Variants in CSMD1 observed in about 807,000 individuals in gnomAD.
The protein encoded by CSMD1 is CUB and Sushi multiple domains 1.
CSMD1 carries 213 observed loss-of-function variants against 417.5 expected under a neutral mutation model. The observed-to-expected ratio is 0.51, with a 90% confidence interval of 0.46 to 0.57. The LOEUF (loss-of-function observed/expected upper bound fraction) is 0.57. Ranked by LOEUF, CSMD1 falls within the 20% of genes least tolerant of loss-of-function variation. The pLI is 0.00. For synonymous variants in CSMD1, 2,862 were observed against 1,736.8 expected, an observed-to-expected ratio of 1.65 and a Z score of -16.11; for missense variants, 6,923 against 4,529.7, an observed-to-expected ratio of 1.53 and a Z score of -15.17.
At chr8:4,381,636 T>C (rs138585852) in intron 3 of CSMD1, among the ~76,000 whole-genome samples, 4 of 152,264 alleles carry the variant, frequency 2.6e-5, no homozygotes, top group Admixed American at 2.6e-4. Context: ...CTCCACCCCT[T>C]GTAGGCAACC....
At chr8:3,656,597 C>A (rs1451080451) in intron 7 of CSMD1, among the ~76,000 whole-genome samples, 2 of 152,004 alleles carry the variant, frequency 1.3e-5, no homozygotes, top group Admixed American at 6.5e-5. Flanking sequence ...GCCCTTTACT[C>A]TCCTTTCTTC....
intron 3 of CSMD1, among the ~76,000 whole-genome samples, chr8:4,253,167 C>T (rs551772247): frequency 6.6e-6 from 1 of 152,252 alleles, no homozygotes; most frequent in South Asian, 2.1e-4. Context: ...CATTAGGAAA[C>T]ATTCTATCTG....
At chr8:3,242,118 C>G (rs559026192) in intron 26 of CSMD1, among the ~76,000 whole-genome samples, 53 of 151,276 alleles carry the variant, frequency 3.5e-4, no homozygotes, top group African/African-American at 1.2e-3. Context: ...TTAACCTTGA[C>G]TATGCCTTTA....
At chr8:3,606,935 C>T (rs1240611527) in intron 8 of CSMD1, among the ~76,000 whole-genome samples, 1 of 152,050 alleles carries the variant, frequency 6.6e-6, no homozygotes, top group Non-Finnish European at 1.5e-5. Context: ...TGGTCTCGAT[C>T]TCTTAATCTC....
chr8:4,865,876 C>G (rs1802396858), intron 1 of CSMD1, among the ~76,000 whole-genome samples: 1 of 151,666 alleles, frequency 6.6e-6, no homozygotes, highest in South Asian at 2.1e-4. Flanking sequence ...TAATTTTAAC[C>G]AAATTTAATC....
intron 1 of CSMD1, among the ~76,000 whole-genome samples, chr8:4,834,604 T>A (rs990815025): frequency 4.0e-5 from 6 of 151,432 alleles, no homozygotes; most frequent in African/African-American, 1.5e-4. Flanking sequence ...AACAACGTGG[T>A]CCAGGATAAA....
chr8:3,951,121 G>T (rs11136686), intron 5 of CSMD1, among the ~76,000 whole-genome samples: 27,454 of 152,108 alleles, frequency 0.18, 2,980 homozygotes, highest in East Asian at 0.34. Context: ...ACATTTATAG[G>T]CAGGAGATGT....
At chr8:2,995,463 C>T (rs1419106460) in intron 54 of CSMD1, among the ~76,000 whole-genome samples, 3 of 152,162 alleles carry the variant, frequency 2.0e-5, no homozygotes, top group African/African-American at 4.8e-5. Flanking sequence ...CAAATAGTAC[C>T]GCCATGCTGG....
intron 2 of CSMD1, among the ~76,000 whole-genome samples, chr8:4,612,116 G>A (rs535016746): frequency 7.2e-5 from 11 of 152,248 alleles, no homozygotes; most frequent in African/African-American, 2.6e-4. Flanking sequence ...TTTTCATGAA[G>A]GAATGCATCT....
chr8:3,536,670 T>G (rs946675874), intron 10 of CSMD1, among the ~76,000 whole-genome samples: 2 of 152,144 alleles, frequency 1.3e-5, no homozygotes, highest in Non-Finnish European at 2.9e-5. Context: ...GTCAGAAGTG[T>G]AGGCACAGAG....
chr8:3,183,684 A>T (rs796914585), intron 36 of CSMD1, among the ~76,000 whole-genome samples: 35 of 152,328 alleles, frequency 2.3e-4, no homozygotes, highest in African/African-American at 7.0e-4. Context: ...TCCCTGAAAC[A>T]TCGAGTAGGT....
At chr8:3,337,743 A>T (rs529519130) in intron 23 of CSMD1, among the ~76,000 whole-genome samples, 2 of 152,316 alleles carry the variant, frequency 1.3e-5, no homozygotes, top group South Asian at 4.1e-4. Flanking sequence ...TTCACCTGGA[A>T]TCGGCCTAAT....
chr8:3,380,972 T>C lies in CSMD1; in HGVS notation c.2782+6522A>G, dbSNP rs184376620. On this transcript the variant is annotated intron_variant, in intron 18 of 69. Transcript: ENST00000635120. ...TGCTCAAAGAAGAATTTGGGGATGG[T>C]ACTTGAATGCACAGGTATGTGAGAA... Among the ~76,000 whole-genome samples the C allele has an allele frequency of 3.9e-4, 59 of 152,242 alleles. No individual in the cohort carries two copies. The East Asian group carries it at 0.011, about 29-fold the overall frequency.
rs144220047 is a variant in CSMD1 at position 4,891,591 on chromosome 8, G to C, written c.85+102741C>G. Among the ~76,000 whole-genome samples, 249 of 152,028 alleles carry C rather than the reference G, an allele frequency of 1.6e-3. 2 individuals are homozygous for C. Among genetic ancestry groups the C allele is most frequent in the African/African-American group, 5.5e-3 (229 of 41,440 alleles). On this transcript the variant is annotated intron_variant, in intron 1 of 69. Coordinates refer to ENST00000635120, the MANE Select transcript of CSMD1 (RefSeq NM_033225.6). ...TGCAATTTATTTTTCATCTCTTTTA[G>C]GAAATGTCTTAAGCACATAATCGGA...
intron 10 of CSMD1, among the ~76,000 whole-genome samples, chr8:3,497,559 C>G (rs925997964): frequency 1.3e-5 from 2 of 152,058 alleles, no homozygotes; most frequent in Non-Finnish European, 2.9e-5. Flanking sequence ...GTCAATATAC[C>G]CAGCCATTTC....
At position 2,936,460 on chromosome 8, in the gene CSMD1, AATC is replaced by A. The variant is rs1300357751; in HGVS notation, c.*2122_*2124del. The A allele has an allele frequency of 1.3e-5, 2 of 151,280 alleles. No individual in the cohort carries two copies. Among genetic ancestry groups the A allele is most frequent in the Admixed American group, 6.6e-5 (1 of 15,054 alleles). The allele number at this position is 151,280 out of a possible 1,614,324, so 9.4% of individuals were successfully genotyped here. A position where few individuals can be genotyped will look rare whatever the true frequency, so the allele number is the denominator to read the frequency against. On this transcript the variant is annotated 3_prime_UTR_variant, in exon 70 of 70. Coordinates refer to ENST00000635120, the MANE Select transcript of CSMD1 (RefSeq NM_033225.6). ...TGCACACGAGCCTCCTCACACTTTC[AATC>A]ATCTTCTGTTTCGTTCAATGTGTGT... is the stretch of plus-strand genomic sequence containing the variant.
chr8:3,280,532 C>T (rs141664318), intron 26 of CSMD1, among the ~76,000 whole-genome samples: 110 of 152,100 alleles, frequency 7.2e-4, no homozygotes, highest in South Asian at 2.5e-3. Context: ...ATATTCTAGC[C>T]CCTAAATGAG....
chr8:4,295,656 A>G (rs907011390), intron 3 of CSMD1, among the ~76,000 whole-genome samples: 6 of 145,002 alleles, frequency 4.1e-5, no homozygotes, highest in African/African-American at 1.5e-4. Flanking sequence ...ATAAAAATAT[A>G]ATCTTAAGAT....
At chr8:4,676,753 G>C (rs942629878) in intron 1 of CSMD1, among the ~76,000 whole-genome samples, 37 of 151,930 alleles carry the variant, frequency 2.4e-4, no homozygotes, top group African/African-American at 8.2e-4. Context: ...CCCTTAGTTT[G>C]TTCTTAGCCC....
Sources: gnomAD v4.1 joint callset for allele counts (sites outside exome capture counted in the v4.1 genomes callset) on GRCh38, gnomAD v4.1.1 for gene constraint, MANE v1.5 for transcripts, NCBI Gene and HGNC (gene_info 2026-07-23, HGNC 2026-07-21) for gene names.